SBNO1: variants seen among roughly 807,000 people sequenced by gnomAD.
The protein encoded by SBNO1 is strawberry notch homolog 1.
In SBNO1, 23 loss-of-function variants were observed where a neutral mutation model predicts 173.6. The observed-to-expected ratio is 0.13, with a 90% CI of 0.10 to 0.19. The LOEUF is 0.19. Among genes scored for constraint, SBNO1 ranks in the 10% least tolerant of loss-of-function variants. The probability of loss-of-function intolerance (pLI) is 1.00; values close to 1 mark genes in which losing one functional copy is unlikely to be tolerated. For missense variants in SBNO1, 1,238 were observed against 1,671.2 expected, an observed-to-expected ratio of 0.74 and a Z score of 4.52; for synonymous variants, 632 against 571.5, an observed-to-expected ratio of 1.11 and a Z score of -1.51.
At chr12:123,352,439 G>A (rs1566054678) in intron 1 of SBNO1, among the ~76,000 whole-genome samples, 1 of 151,904 alleles carries the variant, frequency 6.6e-6, no homozygotes, top group African/African-American at 2.4e-5. Context: ...CCCAAGTAGC[G>A]CCCACCAACA....
chr12:123,316,516 G>A (rs929893301), intron 21 of SBNO1, among the ~76,000 whole-genome samples: 1 of 150,278 alleles, frequency 6.7e-6, no homozygotes, highest in African/African-American at 2.4e-5. Flanking sequence ...GAGCCGCTGC[G>A]CCCAGCCTGT....
chr12:123,330,809 T>A (rs1400824093), intron 8 of SBNO1, among the ~76,000 whole-genome samples: 1 of 151,816 alleles, frequency 6.6e-6, no homozygotes, highest in African/African-American at 2.4e-5. Flanking sequence ...ATGCCTGTAG[T>A]CCCAGCTACT....
intron 1 of SBNO1, among the ~76,000 whole-genome samples, chr12:123,359,800 G>A (rs1355257569): frequency 6.6e-6 from 1 of 152,062 alleles, no homozygotes; most frequent in African/African-American, 2.4e-5. Flanking sequence ...GTATCCCTAA[G>A]GTTGTCTTAA....
chr12:123,326,786 G>T (rs994276036), intron 13 of SBNO1, among the ~76,000 whole-genome samples: 1 of 152,032 alleles, frequency 6.6e-6, no homozygotes, highest in African/African-American at 2.4e-5. Context: ...AATCAGCCAG[G>T]CACATTGACA....
chr12:123,345,583 C>A lies in SBNO1; in HGVS notation c.238-13G>T, dbSNP rs778640294. 5.6e-6 allele frequency: 9 copies of A among 1,596,144 alleles called. No individual in the cohort carries two copies. The highest frequency in any genetic ancestry group is 1.7e-4 in the Middle Eastern group (1 of 5,974). On this transcript the variant is annotated splice_polypyrimidine_tract_variant and intron_variant, in intron 3 of 31. Transcript: ENST00000602398. ...ATGGAGGCTGCTGCTAGATAGAAAA[C>A]AAAAAACACACCACTGAAAAATGCT...
At position 123,309,274 on chromosome 12, in the gene SBNO1, T is replaced by C. The variant is rs190488579; in HGVS notation, c.3630+36A>G. 5.1e-5 allele frequency: 74 copies of C among 1,452,554 alleles called. 1 individual carries two copies. In the East Asian group the frequency reaches 1.4e-3, roughly 28 times the overall value. 90.0% of individuals were successfully genotyped at this position (1,452,554 alleles called of 1,614,324 possible). On this transcript the variant is annotated intron_variant, in intron 28 of 31. Coordinates refer to ENST00000602398, the MANE Select transcript of SBNO1 (RefSeq NM_001167856.3). ...TACAATGCTGGCCATTAAAAAGTAT[T>C]ATATATCTGAATAGAATTTAAAGGA...
intron 1 of SBNO1, among the ~76,000 whole-genome samples, chr12:123,356,534 T>C (rs916578158): frequency 6.6e-5 from 10 of 152,152 alleles, no homozygotes; most frequent in Admixed American, 6.6e-5. Flanking sequence ...TCCGCCCCCC[T>C]GGGTTCAAGC....
At chr12:123,298,695 C>T (rs1019771489) in intron 30 of SBNO1, among the ~76,000 whole-genome samples, 2 of 152,218 alleles carry the variant, frequency 1.3e-5, no homozygotes, top group African/African-American at 4.8e-5. Context: ...CAGGGGCCTG[C>T]CTCCCAATAA....
chr12:123,322,674 G>A (rs1192889607), intron 16 of SBNO1, among the ~76,000 whole-genome samples: 1 of 151,864 alleles, frequency 6.6e-6, no homozygotes, highest in African/African-American at 2.4e-5. Context: ...GGGAGGCCTA[G>A]GTGGGTGCAT....
intron 1 of SBNO1, among the ~76,000 whole-genome samples, chr12:123,352,209 T>C (rs1340069159): frequency 6.6e-6 from 1 of 152,224 alleles, no homozygotes; most frequent in Non-Finnish European, 1.5e-5. Context: ...ACTAATTTCA[T>C]GTTACATAAA....
At chr12:123,328,951 T>C (rs1436898260) in intron 9 of SBNO1, 56 bp from the exon 10 acceptor site, 2 of 1,003,800 alleles carry the variant, frequency 2.0e-6, no homozygotes, top group East Asian at 2.7e-5. Flanking sequence ...CTCTGCAACA[T>C]TCATCCCAAC....
chr12:123,301,037 T>C (rs2048774527), intron 30 of SBNO1, among the ~76,000 whole-genome samples: 1 of 150,972 alleles, frequency 6.6e-6, no homozygotes. Flanking sequence ...TTAGACCACG[T>C]CTTGCTGTCA....
At chr12:123,353,306 A>T (rs1211996592) in intron 1 of SBNO1, among the ~76,000 whole-genome samples, 1 of 152,160 alleles carries the variant, frequency 6.6e-6, no homozygotes, top group Non-Finnish European at 1.5e-5. Flanking sequence ...AGAAAACTTA[A>T]ATCATCTACC....
Position 123,296,037 on chromosome 12 carries a change from C to T in SBNO1, c.4053G>A (p.Pro1351=), listed in dbSNP as rs144130615. ...TTACAAGAGGAGACACACAATTTGC[C>T]GGAATGATCAAACCTGTAATTAGTA... ...DGQRIVGLII[P]ANCVSPLVNL... is the part of the protein sequence containing the mutation. The change falls in exon 32 of 32, where the codon CCG becomes CCA. Residue 1351 remains proline, a synonymous_variant. Coordinates refer to ENST00000602398, the MANE Select transcript of SBNO1 (RefSeq NM_001167856.3). 260 of 1,612,304 alleles carry T rather than the reference C, an allele frequency of 1.6e-4. No individual in the cohort carries two copies. Among genetic ancestry groups the T allele is most frequent in the Non-Finnish European group, 2.1e-4 (243 of 1,178,576 alleles).
chr12:123,358,321 T>G (rs1258238606), intron 1 of SBNO1, among the ~76,000 whole-genome samples: 3 of 152,228 alleles, frequency 2.0e-5, no homozygotes, highest in Admixed American at 6.5e-5. Context: ...TTTTGAACAT[T>G]TCAGATTTTG....
At chr12:123,327,299 T>A in intron 13 of SBNO1, 127 bp downstream of exon 13, 1 of 792,254 alleles carries the variant, frequency 1.3e-6, no homozygotes, top group Non-Finnish European at 2.0e-6. Context: ...ACACCGTGCC[T>A]GGCTTCATCT....
chr12:123,304,025 GGT>G (rs2048855862), intron 29 of SBNO1, among the ~76,000 whole-genome samples: 1 of 140,156 alleles, frequency 7.1e-6, no homozygotes, highest in Non-Finnish European at 1.5e-5. Context: ...CCACTTCACA[GGT>G]TAAAGTGATT....
chr12:123,319,864 G>C (rs762453672), intron 20 of SBNO1, 36 bp downstream of exon 20: 3 of 1,597,944 alleles, frequency 1.9e-6, no homozygotes, highest in Non-Finnish European at 2.6e-6. Flanking sequence ...TACAGGCATT[G>C]TTCTTTTCAC....
At chr12:123,334,662 T>G (rs866085135) in intron 6 of SBNO1, among the ~76,000 whole-genome samples, 1 of 152,124 alleles carries the variant, frequency 6.6e-6, no homozygotes, top group Non-Finnish European at 1.5e-5. Context: ...GAGCCGAGAC[T>G]GTGCCACTGC....
Sources: allele counts gnomAD v4.1 joint callset (sites outside exome capture counted in the v4.1 genomes callset), GRCh38; gene constraint gnomAD v4.1.1; transcripts MANE v1.5; gene names NCBI Gene and HGNC (gene_info 2026-07-23, HGNC 2026-07-21).